PPIP5K2: variants seen among roughly 807,000 people sequenced by gnomAD.
PPIP5K2 encodes the protein diphosphoinositol pentakisphosphate kinase 2.
A neutral mutation model predicts 154.6 loss-of-function variants in PPIP5K2; 105 were observed. The observed-to-expected ratio is 0.68, with a 90% CI of 0.58 to 0.80. The LOEUF (loss-of-function observed/expected upper bound fraction) is 0.80, where lower values mean the gene tolerates loss of function less well. PPIP5K2 is among the 30% of genes least tolerant of loss of function. PPIP5K2 has a pLI of 0.00. For missense variants in PPIP5K2, 992 were observed against 1,504.6 expected, an observed-to-expected ratio of 0.66 and a Z score of 5.64; for synonymous variants, 480 against 490.3, an observed-to-expected ratio of 0.98 and a Z score of 0.28.
At chr5:103,190,667 C>T (rs1801091588) in intron 28 of PPIP5K2, among the ~76,000 whole-genome samples, 175 bp from the exon 29 acceptor site, 1 of 151,842 alleles carries the variant, frequency 6.6e-6, no homozygotes. Flanking sequence ...ACATCTTGTT[C>T]CAGCTCCATA....
intron 1 of PPIP5K2, among the ~76,000 whole-genome samples, chr5:103,122,963 G>A (rs1291601196): frequency 1.3e-5 from 2 of 152,190 alleles, no homozygotes; most frequent in Non-Finnish European, 2.9e-5. Context: ...TAGTGTTCAT[G>A]ATAGTCTCAA....
chr5:103,183,466 C>A, intron 25 of PPIP5K2, 59 bp downstream of exon 25: 1 of 1,448,520 alleles, frequency 6.9e-7, no homozygotes. Context: ...CAACAAACAG[C>A]TGTCTTTGAG....
intron 21 of PPIP5K2, chr5:103,174,269 T>C (rs1798384332): frequency 4.1e-6 from 1 of 246,402 alleles, no homozygotes; most frequent in Non-Finnish European, 7.7e-6. Flanking sequence ...TCAGAATTGA[T>C]GGAACTTGGT....
At chr5:103,193,682 C>T (rs1018510847) in intron 29 of PPIP5K2, among the ~76,000 whole-genome samples, 1 of 151,958 alleles carries the variant, frequency 6.6e-6, no homozygotes, top group African/African-American at 2.4e-5. Context: ...TTTTTATTTT[C>T]ATTAGTGACT....
In PPIP5K2 at chr5:103,194,946, T is replaced by G; in HGVS notation, c.3540T>G (p.Ser1180=). The G allele has an allele frequency of 6.2e-7, 1 of 1,613,592 alleles. No homozygotes were observed. Among genetic ancestry groups the G allele is most frequent in the Non-Finnish European group, 8.5e-7 (1 of 1,179,678 alleles). ...RSSPIMRKKV[S]LNTYTPAKIL... is the part of the protein sequence containing the mutation. ...GTCCAATAATGAGAAAAAAAGTATC[T>G]TTAAATACGTATACACCTGCAAAGA... The change falls in exon 30 of 31, where the codon TCT becomes TCG. Residue 1180 remains serine (S), a synonymous_variant. Transcript: ENST00000358359.
chr5:103,140,693 C>T (rs1023026038), intron 5 of PPIP5K2, among the ~76,000 whole-genome samples: 2 of 150,184 alleles, frequency 1.3e-5, no homozygotes, highest in Admixed American at 6.6e-5. Flanking sequence ...AAAAATTAGC[C>T]GGGCGCAGTG....
intron 30 of PPIP5K2, among the ~76,000 whole-genome samples, chr5:103,199,204 A>T (rs911361250): frequency 4.6e-5 from 7 of 152,168 alleles, no homozygotes; most frequent in Admixed American, 3.9e-4. Context: ...GGAGAAAAAG[A>T]TTCTATATTT....
intron 5 of PPIP5K2, among the ~76,000 whole-genome samples, chr5:103,144,808 A>G (rs1793461187): frequency 6.6e-6 from 1 of 152,270 alleles, no homozygotes; most frequent in Non-Finnish European, 1.5e-5. Context: ...CTATGCAACT[A>G]CTAAAAGAAA....
chr5:103,162,227 A>G (rs1330480283), intron 17 of PPIP5K2, among the ~76,000 whole-genome samples: 1 of 151,752 alleles, frequency 6.6e-6, no homozygotes, highest in African/African-American at 2.4e-5. Flanking sequence ...TGAATTGTCT[A>G]TGTTTTTCTT....
At chr5:103,151,682 A>G (rs1333732542) in intron 9 of PPIP5K2, among the ~76,000 whole-genome samples, 1 of 152,082 alleles carries the variant, frequency 6.6e-6, no homozygotes, top group Non-Finnish European at 1.5e-5. Flanking sequence ...CCATGTAGTT[A>G]TAGTGGAAAA....
chr5:103,138,454 C>T lies in PPIP5K2; in HGVS notation c.472C>T (p.Pro158Ser). The T allele has an allele frequency of 6.3e-7, 1 of 1,599,172 alleles. No homozygotes were observed. Residue 158 changes from proline (P) to serine (S), a missense_variant, in exon 5 of 31, where the codon CCA (proline) becomes TCA (serine). By Grantham distance (74) the Pro-to-Ser change is moderately conservative. This residue lies in a region of PPIP5K2 where 153 missense variants were observed against 200.4 expected (regional missense o/e 0.76). Coordinates refer to ENST00000358359, the MANE Select transcript of PPIP5K2 (RefSeq NM_001276277.3). ...TCGTTATGCTATTTTGAACCGTGAC[C>T]CAAATAATCCCAAAGGTAAGAGTAA... ...LPRYAILNRD[P>S]NNPKECNLIE...
At chr5:103,124,291 A>AAC (rs1789272619) in intron 1 of PPIP5K2, among the ~76,000 whole-genome samples, 1 of 151,922 alleles carries the variant, frequency 6.6e-6, no homozygotes, top group South Asian at 2.1e-4. Context: ...AAAAAAAAAA[A>AAC]AAATCTCCTC....
At chr5:103,138,324 T>G in intron 4 of PPIP5K2, 60 bp from the exon 5 acceptor site, 1 of 991,376 alleles carries the variant, frequency 1.0e-6, no homozygotes, top group Non-Finnish European at 1.5e-6. Context: ...AAAACTACAA[T>G]AATATATTCA....
At chr5:103,148,804 T>C (rs1583295609) in intron 7 of PPIP5K2, among the ~76,000 whole-genome samples, 1 of 152,132 alleles carries the variant, frequency 6.6e-6, no homozygotes, top group Non-Finnish European at 1.5e-5. Context: ...GGAAGGTTTT[T>C]TTTTTCCTGT....
At chr5:103,139,220 A>G (rs1000842609) in intron 5 of PPIP5K2, among the ~76,000 whole-genome samples, 6 of 152,230 alleles carry the variant, frequency 3.9e-5, no homozygotes, top group African/African-American at 1.4e-4. Context: ...TTCTGTTCAC[A>G]CTTAGTATTG....
chr5:103,144,067 A>C (rs1793317856), intron 5 of PPIP5K2, among the ~76,000 whole-genome samples: 1 of 152,130 alleles, frequency 6.6e-6, no homozygotes, highest in Non-Finnish European at 1.5e-5. Context: ...CTATTAGAAC[A>C]AGTTCAGTAA....
In PPIP5K2 at chr5:103,202,867, A is replaced by C. The variant is rs1366038205; in HGVS notation, c.*1233A>C. On this transcript the variant is annotated 3_prime_UTR_variant, in exon 31 of 31. Transcript: ENST00000358359. ...TAGCTTGAAATTTATGTTTAGAAAA[A>C]CTATTGATTTCCCATGGTATGAATA... 1.3e-5 allele frequency: 2 copies of C among 152,228 alleles called. No individual in the cohort carries two copies. The highest frequency in any genetic ancestry group is 2.9e-5 in the Non-Finnish European group (2 of 67,954). The allele number at this position is 152,228 out of a possible 1,614,324, so 9.4% of individuals were successfully genotyped here.
chr5:103,174,164 A>T (rs1308559787), intron 21 of PPIP5K2, 192 bp downstream of exon 21: 2 of 458,610 alleles, frequency 4.4e-6, no homozygotes, highest in Non-Finnish European at 7.6e-6. Flanking sequence ...TTCAGAGAAG[A>T]TACATTTAAG....
At chr5:103,193,700 G>A (rs26819) in intron 29 of PPIP5K2, among the ~76,000 whole-genome samples, 35,365 of 151,920 alleles carry the variant, frequency 0.23, 4,948 homozygotes, top group East Asian at 0.45. Context: ...ACTACTTTGA[G>A]CTCTTTCAGT....
Sources: gnomAD v4.1 joint callset for allele counts (sites outside exome capture counted in the v4.1 genomes callset) on GRCh38, gnomAD v4.1.1 for gene constraint, gnomAD v4.1.1 regional missense constraint, MANE v1.5 for transcripts, NCBI Gene and HGNC (gene_info 2026-07-23, HGNC 2026-07-21) for gene names.